The following MED12L variants were observed in gnomAD, a reference collection of about 807,000 sequenced individuals.
The protein encoded by MED12L is mediator of RNA polymerase II transcription subunit 12-like protein.
In MED12L, 60 loss-of-function variants were observed where a neutral mutation model predicts 281.3. The observed-to-expected ratio is 0.21, with a 90% CI of 0.17 to 0.26. The LOEUF (loss-of-function observed/expected upper bound fraction) is 0.26. MED12L is among the 10% of genes least tolerant of loss of function. The probability of loss-of-function intolerance (pLI) is 1.00; values close to 1 mark genes in which losing one functional copy is unlikely to be tolerated. For missense variants in MED12L, 2,146 were observed against 2,680.9 expected, an observed-to-expected ratio of 0.80 and a Z score of 4.41; for synonymous variants, 974 against 987.2, an observed-to-expected ratio of 0.99 and a Z score of 0.25.
intron 2 of MED12L, among the ~76,000 whole-genome samples, chr3:151,097,401 G>A (rs895502404): frequency 2.0e-5 from 3 of 152,186 alleles, no homozygotes; most frequent in African/African-American, 7.2e-5. Flanking sequence ...TTCAGCAAAT[G>A]ACTGAGCACC....
chr3:151,188,312 A>G (rs1418370320), intron 12 of MED12L, 42 bp from the exon 13 acceptor site: 4 of 1,516,742 alleles, frequency 2.6e-6, no homozygotes, highest in East Asian at 2.3e-5. Context: ...TGTTATGACT[A>G]TACTTCTGTA....
chr3:151,164,192 T>G (rs1310071594), intron 9 of MED12L, 150 bp downstream of exon 9: 11 of 787,416 alleles, frequency 1.4e-5, no homozygotes, highest in Non-Finnish European at 1.8e-5. Flanking sequence ...AGAGAATTGT[T>G]TAGCCTCTTC....
chr3:151,377,082 ATTC>A lies in MED12L; in HGVS notation c.4225_4227del (p.Ser1409del). The A allele has an allele frequency of 6.2e-7, 1 of 1,614,086 alleles. No homozygotes were observed. The highest frequency in any genetic ancestry group is 8.5e-7 in the Non-Finnish European group (1 of 1,179,950). On this transcript the variant is annotated inframe_deletion, in exon 30 of 45. Transcript: ENST00000687756. ...TTCCAGCAGTCTGCAGACCTAAATA[ATTC>A]TTCTAATTCTGGCATGAGCCTCTTC...
intron 16 of MED12L, among the ~76,000 whole-genome samples, chr3:151,240,812 T>G (rs998271212): frequency 2.6e-5 from 4 of 152,252 alleles, no homozygotes; most frequent in Admixed American, 6.5e-5. Flanking sequence ...GGTCATTTCC[T>G]TAGGTCAGAG....
chr3:151,094,571 C>T (rs556219317), intron 2 of MED12L, among the ~76,000 whole-genome samples: 69 of 152,174 alleles, frequency 4.5e-4, no homozygotes, highest in African/African-American at 1.6e-3. Flanking sequence ...GTGATGGTGA[C>T]AAGGGAGTTC....
rs1187980545 is a variant in MED12L at position 151,192,554 on chromosome 3, A to G, written c.1973A>G (p.Gln658Arg). 8 of 1,531,278 alleles carry G rather than the reference A, an allele frequency of 5.2e-6. No homozygotes were observed. The highest frequency in any genetic ancestry group is 7.0e-6 in the Non-Finnish European group (8 of 1,142,548). The allele number at this position is 1,531,278 out of a possible 1,614,324, so 94.9% of individuals were successfully genotyped here. The change falls in exon 15 of 45, where the codon CAG (glutamine) becomes CGG (arginine). Residue 658 changes from glutamine (Q) to arginine (R), a missense_variant. Gln to Arg is a conservative substitution (Grantham distance 43, BLOSUM62 1). Coordinates refer to ENST00000687756, the MANE Select transcript of MED12L (RefSeq NM_001393769.1). ...TCTTTCTCTGGCGATTATCAGGAAC[A>G]GAGTATTATGGCGCATATGGGCATT... ...SKDHDVKMEEQSIMAHMGIDS... is the reference protein window; with the variant it reads ...SKDHDVKMEERSIMAHMGIDS...
intron 11 of MED12L, among the ~76,000 whole-genome samples, chr3:151,179,391 G>T (rs1397912249): frequency 1.3e-5 from 2 of 152,160 alleles, no homozygotes; most frequent in African/African-American, 2.4e-5. Context: ...TTTGGTCAGG[G>T]CTGGTCTAGA....
At chr3:151,156,093 G>A in intron 5 of MED12L, 68 bp from the exon 6 acceptor site, 2 of 1,326,570 alleles carry the variant, frequency 1.5e-6, no homozygotes, top group Non-Finnish European at 2.1e-6. Context: ...TCAGAATGGG[G>A]AAGAAAACAT....
At chr3:151,366,191 T>G (rs1240369582) in intron 23 of MED12L, among the ~76,000 whole-genome samples, 200 bp downstream of exon 23, 1 of 152,212 alleles carries the variant, frequency 6.6e-6, no homozygotes, top group Non-Finnish European at 1.5e-5. Flanking sequence ...ATAAATAGAA[T>G]GCATAGTTTA....
At chr3:151,329,458 T>A in intron 16 of MED12L, 1 of 1,493,670 alleles carries the variant, frequency 6.7e-7, no homozygotes, top group South Asian at 1.2e-5. Flanking sequence ...AGCACACTCA[T>A]AATAACAAAA....
chr3:151,128,119 G>A (rs1447690963), intron 5 of MED12L, 135 bp downstream of exon 5: 2 of 706,330 alleles, frequency 2.8e-6, no homozygotes, highest in South Asian at 2.0e-5. Flanking sequence ...CTCGGGTATG[G>A]ATAGGGCAGC....
intron 16 of MED12L, among the ~76,000 whole-genome samples, chr3:151,214,974 C>T (rs1053825577): frequency 1.3e-5 from 2 of 152,044 alleles, no homozygotes; most frequent in Non-Finnish European, 2.9e-5. Flanking sequence ...ATATTAAGAG[C>T]TATTCAGACG....
At chr3:151,431,567 C>G (rs1288640752) in intron 44 of MED12L, among the ~76,000 whole-genome samples, 1 of 152,098 alleles carries the variant, frequency 6.6e-6, no homozygotes. Context: ...TAGATCTGGT[C>G]TATTAAAACA....
intron 16 of MED12L, among the ~76,000 whole-genome samples, chr3:151,331,568 T>A (rs889664462): frequency 6.6e-6 from 1 of 152,166 alleles, no homozygotes; most frequent in Non-Finnish European, 1.5e-5. Flanking sequence ...TAAATGAAAT[T>A]GAAAGAAAAT....
chr3:151,409,146 A>C lies in MED12L; in HGVS notation c.5821-97A>C. The C allele has an allele frequency of 3.6e-6, 3 of 829,670 alleles. No individual in the cohort carries two copies. In the South Asian group the frequency reaches 5.2e-5, roughly 14 times the overall value. 51.4% of individuals were successfully genotyped at this position (829,670 alleles called of 1,614,324 possible). On this transcript the variant is annotated intron_variant, in intron 39 of 44. Coordinates refer to ENST00000687756, the MANE Select transcript of MED12L (RefSeq NM_001393769.1). ...AAATCTTTGAGTTCTTTATCCATGT[A>C]ATGAGATTAGATGTGGGTTATTTGG...
chr3:151,380,102 TTC>T lies in MED12L; in HGVS notation c.4479-10_4479-9del, dbSNP rs1419378758. On this transcript the variant is annotated splice_polypyrimidine_tract_variant and intron_variant, in intron 31 of 44. Coordinates refer to ENST00000687756, the MANE Select transcript of MED12L (RefSeq NM_001393769.1). ...TAACTAGATCTGTTGTTATTATTAC[TTC>T]CTTTGTAGTATGTCTCTTTTGAGTC... 2 of 1,510,138 alleles carry T rather than the reference TTC, an allele frequency of 1.3e-6. No homozygotes were observed. The highest frequency in any genetic ancestry group is 1.8e-6 in the Non-Finnish European group (2 of 1,105,788). 93.5% of individuals were successfully genotyped at this position (1,510,138 alleles called of 1,614,324 possible).
intron 16 of MED12L, among the ~76,000 whole-genome samples, chr3:151,332,961 T>C (rs904734247): frequency 6.6e-6 from 1 of 152,150 alleles, no homozygotes; most frequent in South Asian, 2.1e-4. Context: ...ATGAATTCAA[T>C]GTTTAGCTCC....
intron 3 of MED12L, among the ~76,000 whole-genome samples, chr3:151,121,790 A>AC (rs1363972019): frequency 1.3e-5 from 2 of 152,094 alleles, no homozygotes; most frequent in African/African-American, 4.8e-5. Flanking sequence ...ATCTTGGCTC[A>AC]CTGCAACCTC....
At chr3:151,120,094 C>T (rs951466708) in intron 3 of MED12L, among the ~76,000 whole-genome samples, 9 of 150,048 alleles carry the variant, frequency 6.0e-5, no homozygotes, top group African/African-American at 1.2e-4. Flanking sequence ...GTGTGGTGGT[C>T]GGCACCCATA....
Sources: allele counts gnomAD v4.1 joint callset (sites outside exome capture counted in the v4.1 genomes callset), GRCh38; gene constraint gnomAD v4.1.1; transcripts MANE v1.5; gene names NCBI Gene and HGNC (gene_info 2026-07-23, HGNC 2026-07-21).